YWHAG: variants seen among roughly 807,000 people sequenced by gnomAD.
The protein encoded by YWHAG is tyrosine 3-monooxygenase/tryptophan 5-monooxygenase activation protein gamma.
Under a neutral mutation model 23.3 loss-of-function variants are expected in YWHAG, and 1 was observed. The ratio of observed to expected loss-of-function variants is 0.04; its 90% CI spans 0.02 to 0.20. YWHAG has a LOEUF of 0.20. Ranked by LOEUF, YWHAG falls within the 10% of genes least tolerant of loss-of-function variation. The probability of loss-of-function intolerance (pLI) is 1.00; values close to 1 mark genes in which losing one functional copy is unlikely to be tolerated. For missense variants in YWHAG, 151 were observed against 338.6 expected (o/e 0.45, Z 4.35); for synonymous variants, 160 against 144.0 (o/e 1.11, Z -0.80).
intron 1 of YWHAG, among the ~76,000 whole-genome samples, chr7:76,332,194 G>A (rs745500111): frequency 2.4e-4 from 37 of 152,300 alleles, no homozygotes; most frequent in Non-Finnish European, 4.7e-4. Context: ...GTTCAGAGCA[G>A]AAGGAAACCA....
Position 76,329,519 on chromosome 7 carries a change from GA to G in YWHAG, c.*57del. On this transcript the variant is annotated 3_prime_UTR_variant, in exon 2 of 2. Coordinates refer to ENST00000307630, the MANE Select transcript of YWHAG (RefSeq NM_012479.4). The surrounding 1 kb of genome is among the most constrained non-coding windows in gnomAD (Gnocchi z 6.1). ...CCCCCACCCGACCCCCAACTCATGG[GA>G]AAAAAATAAAGACTGCAGTAGTAGC... is the stretch of plus-strand genomic sequence containing the variant. 6 of 1,466,598 alleles carry G rather than the reference GA, an allele frequency of 4.1e-6. No homozygotes were observed. Among genetic ancestry groups the G allele is most frequent in the Non-Finnish European group, 4.5e-6 (5 of 1,103,598 alleles). 90.8% of individuals were successfully genotyped at this position (1,466,598 alleles called of 1,614,324 possible).
chr7:76,357,839 AT>A (rs548704678), intron 1 of YWHAG, among the ~76,000 whole-genome samples: 7 of 152,120 alleles, frequency 4.6e-5, no homozygotes, highest in African/African-American at 1.2e-4. Flanking sequence ...CAGACAGAAT[AT>A]TTTTTCCCCC....
Position 76,329,489 on chromosome 7 carries a change from T to TACCGC in YWHAG, c.*87_*88insGCGGT. Reference sequence around the variant, plus strand: ...TCCCTGGGAAGGTCATCCCTCCCTTTCCCTCCCCCACCCGACCCCCAACTC... The same window carrying TACCGC: ...TCCCTGGGAAGGTCATCCCTCCCTTTACCGCCCCTCCCCCACCCGACCCCCAACTC... On this transcript the variant is annotated 3_prime_UTR_variant, in exon 2 of 2. Transcript: ENST00000307630. This position sits in a 1 kb window ranked among gnomAD's most constrained non-coding sequence, Gnocchi z 6.1. The TACCGC allele has an allele frequency of 9.8e-7, 1 of 1,024,228 alleles. No homozygotes were observed. The highest frequency in any genetic ancestry group is 1.4e-6 in the Non-Finnish European group (1 of 740,082). 63.4% of individuals were successfully genotyped at this position (1,024,228 alleles called of 1,614,324 possible).
chr7:76,329,514 C>CAAA lies in YWHAG; in HGVS notation c.*62_*63insTTT. 4.8e-6 allele frequency: 5 copies of CAAA among 1,033,744 alleles called. No individual in the cohort carries two copies. The highest frequency in any genetic ancestry group is 6.7e-6 in the Non-Finnish European group (5 of 744,816). The allele number at this position is 1,033,744 out of a possible 1,614,324, so 64.0% of individuals were successfully genotyped here. ...TCCCTCCCCCACCCGACCCCCAACT[C>CAAA]ATGGGAAAAAAATAAAGACTGCAGT... On this transcript the variant is annotated 3_prime_UTR_variant, in exon 2 of 2. Transcript: ENST00000307630. This position sits in a 1 kb window ranked among gnomAD's most constrained non-coding sequence, Gnocchi z 6.1.
rs1317832915 is a variant in YWHAG at position 76,358,779 on chromosome 7, T to C, written c.30A>G (p.Lys10=). The C allele has an allele frequency of 3.1e-6, 5 of 1,596,688 alleles. No homozygotes were observed. The highest frequency in any genetic ancestry group is 1.7e-4 in the Middle Eastern group (1 of 5,980). MVDREQLVQ[K]ARLAEQAERY... is the part of the protein sequence containing the mutation. The stretch of plus-strand genomic sequence containing the variant: ...GCTCCGCCTGCTCGGCCAGCCGGGC[T>C]TTCTGCACCAGTTGCTCGCGGTCCA... The change falls in exon 1 of 2, where the codon AAA becomes AAG. Residue 10 remains lysine (K), a synonymous_variant. Transcript: ENST00000307630.
At chr7:76,346,537 C>T (rs1250102079) in intron 1 of YWHAG, among the ~76,000 whole-genome samples, 4 of 152,192 alleles carry the variant, frequency 2.6e-5, no homozygotes, top group South Asian at 2.1e-4. Context: ...AGTTAATTTG[C>T]CTCCACTTAA....
At chr7:76,343,682 T>G (rs1166316446) in intron 1 of YWHAG, among the ~76,000 whole-genome samples, 1 of 152,160 alleles carries the variant, frequency 6.6e-6, no homozygotes. Context: ...ACCTCCATAA[T>G]CTGAACTTGG....
intron 1 of YWHAG, among the ~76,000 whole-genome samples, chr7:76,353,864 C>T (rs1202555852): frequency 6.6e-6 from 1 of 151,616 alleles, no homozygotes; most frequent in Non-Finnish European, 1.5e-5. Context: ...AGTCCAGGAG[C>T]TCAAGACCAG....
intron 1 of YWHAG, among the ~76,000 whole-genome samples, chr7:76,332,643 C>A (rs995400365): frequency 2.6e-5 from 4 of 152,066 alleles, no homozygotes; most frequent in Admixed American, 2.0e-4. Context: ...ACCTCAATCT[C>A]CAGAGTACCT....
intron 1 of YWHAG, among the ~76,000 whole-genome samples, chr7:76,331,308 A>G (rs78291933): frequency 1.6e-5 from 1 of 64,208 alleles, no homozygotes. Flanking sequence ...GAGAGGAGAG[A>G]AGAAAAGTGG....
chr7:76,329,489 T>TGCCAC lies in YWHAG; in HGVS notation c.*87_*88insGTGGC. ...TCCCTGGGAAGGTCATCCCTCCCTT[T>TGCCAC]CCCTCCCCCACCCGACCCCCAACTC... On this transcript the variant is annotated 3_prime_UTR_variant, in exon 2 of 2. Coordinates refer to ENST00000307630, the MANE Select transcript of YWHAG (RefSeq NM_012479.4). This position sits in a 1 kb window ranked among gnomAD's most constrained non-coding sequence, Gnocchi z 6.1. The TGCCAC allele has an allele frequency of 9.8e-7, 1 of 1,024,226 alleles. No individual in the cohort carries two copies. The highest frequency in any genetic ancestry group is 1.4e-6 in the Non-Finnish European group (1 of 740,080). 63.4% of individuals were successfully genotyped at this position (1,024,226 alleles called of 1,614,324 possible).
intron 1 of YWHAG, among the ~76,000 whole-genome samples, chr7:76,354,073 CA>C (rs1235375040): frequency 0.018 from 1,823 of 99,920 alleles, 32 homozygotes; most frequent in Middle Eastern, 0.028. Context: ...AAAAAAAAAA[CA>C]AAAAACAAGC....
At chr7:76,339,860 G>A (rs566831461) in intron 1 of YWHAG, among the ~76,000 whole-genome samples, 10 of 152,168 alleles carry the variant, frequency 6.6e-5, no homozygotes, top group East Asian at 1.9e-4. Flanking sequence ...AGGCCAAGGC[G>A]GGTGAATTGC....
In YWHAG at chr7:76,353,044, GAAATGCTGGGAGCAATTT is replaced by G. The variant is rs1008463786; in HGVS notation, c.87+5660_87+5677del. 1.1e-4 allele frequency among the ~76,000 whole-genome samples: 17 copies of G among 152,214 alleles called. 1 individual carries two copies. In the East Asian group the frequency reaches 1.2e-3, roughly 10 times the overall value. On this transcript the variant is annotated intron_variant, in intron 1 of 1. Coordinates refer to ENST00000307630, the MANE Select transcript of YWHAG (RefSeq NM_012479.4). ...TCTGTAGGACACACACTTAACAAGT[GAAATGCTGGGAGCAATTT>G]AACTAAGACTTCACCAGTTCTTTAA...
At chr7:76,358,598 C>T (rs1383065991) in intron 1 of YWHAG, 124 bp downstream of exon 1, 1 of 971,812 alleles carries the variant, frequency 1.0e-6, no homozygotes, top group African/African-American at 1.7e-5. Context: ...CAGCCCCCCT[C>T]AGTGAGCGAG....
chr7:76,355,744 A>AC (rs1011817176), intron 1 of YWHAG, among the ~76,000 whole-genome samples: 4 of 152,062 alleles, frequency 2.6e-5, no homozygotes, highest in Admixed American at 6.6e-5. Context: ...TTGCCCTCCC[A>AC]CCCCTCATTG....
intron 1 of YWHAG, among the ~76,000 whole-genome samples, chr7:76,353,535 C>T (rs371490084): frequency 1.1e-4 from 17 of 152,112 alleles, no homozygotes; most frequent in Middle Eastern, 3.4e-3. Context: ...AATCAGTTTT[C>T]GTGTAACTAA....
Position 76,358,972 on chromosome 7 carries a change from A to T in YWHAG, c.-164T>A. On this transcript the variant is annotated 5_prime_UTR_variant, in exon 1 of 2. Transcript: ENST00000307630. ...AGGCGGCTGGAGCTGCGACCGCGGG[A>T]CCGGGCGCGAGGCGGCTGCGGCTGC... 1 of 555,446 alleles carries T rather than the reference A, an allele frequency of 1.8e-6. No homozygotes were observed. Among genetic ancestry groups the T allele is most frequent in the Non-Finnish European group, 2.9e-6 (1 of 348,552 alleles). The allele number at this position is 555,446 out of a possible 1,614,324, so 34.4% of individuals were successfully genotyped here.
intron 1 of YWHAG, among the ~76,000 whole-genome samples, chr7:76,335,707 T>C (rs772791767): frequency 2.0e-5 from 3 of 152,170 alleles, no homozygotes; most frequent in Non-Finnish European, 4.4e-5. Flanking sequence ...TCCCAGCACT[T>C]TGGGAGGCCA....
Sources: allele counts gnomAD v4.1 joint callset (sites outside exome capture counted in the v4.1 genomes callset), GRCh38; gene constraint gnomAD v4.1.1; non-coding constraint Gnocchi (gnomAD v3.1); transcripts MANE v1.5; gene names NCBI Gene and HGNC (gene_info 2026-07-23, HGNC 2026-07-21).